The following MBNL2 variants were observed in gnomAD, a reference collection of about 807,000 sequenced individuals.
MBNL2 encodes the protein muscleblind like splicing regulator 2, also known as muscleblind-like protein 2.
A neutral mutation model predicts 41.9 loss-of-function variants in MBNL2; 17 were observed. The ratio of observed to expected loss-of-function variants is 0.41; its 90% CI spans 0.28 to 0.61. The LOEUF is 0.61. Ranked by LOEUF, MBNL2 falls within the 20% of genes least tolerant of loss-of-function variation. The pLI, the probability that MBNL2 is intolerant of heterozygous loss-of-function variation, is 0.35. For synonymous variants in MBNL2, 195 were observed against 182.9 expected (o/e 1.07, Z -0.53); for missense variants, 336 against 505.6 (o/e 0.66, Z 3.22).
intron 1 of MBNL2, among the ~76,000 whole-genome samples, chr13:97,260,005 C>T (rs2048307533): frequency 6.6e-6 from 1 of 152,152 alleles, no homozygotes; most frequent in African/African-American, 2.4e-5. Flanking sequence ...CCCTTACAGA[C>T]ATTACAGTCT....
chr13:97,159,780 G>C, the MBNL2 span, among the ~76,000 whole-genome samples: 1 of 151,594 alleles, frequency 6.6e-6, no homozygotes, highest in Non-Finnish European at 1.5e-5. Context: ...TTAGTCTGAT[G>C]GGCTTCCCTT....
At chr13:97,161,526 T>C in the MBNL2 span, among the ~76,000 whole-genome samples, 2 of 152,336 alleles carry the variant, frequency 1.3e-5, no homozygotes, top group South Asian at 4.1e-4. Context: ...AGTAACACCT[T>C]GGGCTCAGTT....
At chr13:97,349,791 A>G (rs2062265544) in intron 5 of MBNL2, among the ~76,000 whole-genome samples, 1 of 152,234 alleles carries the variant, frequency 6.6e-6, no homozygotes, top group Admixed American at 6.5e-5. Flanking sequence ...TGCTTCTCTT[A>G]CTATGGCCAC....
At chr13:97,251,834 C>CTTTTTTTTT (rs869034692) in intron 1 of MBNL2, among the ~76,000 whole-genome samples, 4 of 69,578 alleles carry the variant, frequency 5.7e-5, no homozygotes, top group African/African-American at 2.2e-4. Context: ...ATCCTCAATT[C>CTTTTTTTTT]TTTTTTTTTT....
chr13:97,369,271 G>C (rs556554032), intron 8 of MBNL2, among the ~76,000 whole-genome samples: 5 of 152,192 alleles, frequency 3.3e-5, no homozygotes, highest in Admixed American at 6.5e-5. Context: ...TCATACCCAC[G>C]TGGATTATGT....
chr13:97,389,973 G>C, intron 8 of MBNL2, among the ~76,000 whole-genome samples: 1 of 151,810 alleles, frequency 6.6e-6, no homozygotes, highest in East Asian at 1.9e-4. Context: ...TCAAATACTA[G>C]ATGCTGTGTT....
At chr13:97,259,654 T>G (rs1243222748) in intron 1 of MBNL2, among the ~76,000 whole-genome samples, 2 of 152,144 alleles carry the variant, frequency 1.3e-5, no homozygotes, top group African/African-American at 2.4e-5. Flanking sequence ...AAAATACACT[T>G]CTCCTTAAAT....
the MBNL2 span, among the ~76,000 whole-genome samples, chr13:97,215,654 T>C: frequency 0.12 from 17,864 of 152,242 alleles, 2,291 homozygotes; most frequent in African/African-American, 0.32. Flanking sequence ...TCAAATATTT[T>C]GCATTAACTT....
intron 2 of MBNL2, among the ~76,000 whole-genome samples, chr13:97,331,548 C>T (rs371635783): frequency 2.0e-5 from 3 of 152,198 alleles, no homozygotes; most frequent in African/African-American, 7.2e-5. Flanking sequence ...TTAACTATTG[C>T]TAATGAATAG....
chr13:97,199,763 G>T, the MBNL2 span, among the ~76,000 whole-genome samples: 1 of 152,168 alleles, frequency 6.6e-6, no homozygotes, highest in Non-Finnish European at 1.5e-5. Flanking sequence ...ACAAATGTGG[G>T]GACTTTGGTG....
intron 2 of MBNL2, among the ~76,000 whole-genome samples, chr13:97,292,286 C>T (rs1566398108): frequency 6.6e-6 from 1 of 151,752 alleles, no homozygotes; most frequent in African/African-American, 2.4e-5. Flanking sequence ...GCCCCATTTG[C>T]ACTGCTGGTA....
At chr13:97,145,756 A>G in the MBNL2 span, among the ~76,000 whole-genome samples, 1 of 152,274 alleles carries the variant, frequency 6.6e-6, no homozygotes, top group South Asian at 2.1e-4. Context: ...GAGCCTGCCA[A>G]GTGGTCTAGT....
the MBNL2 span, among the ~76,000 whole-genome samples, chr13:97,210,518 C>T: frequency 7.5e-6 from 1 of 133,544 alleles, no homozygotes; most frequent in Non-Finnish European, 1.6e-5. Context: ...TTGATATATA[C>T]AAATTTTATA....
chr13:97,262,811 T>C (rs1450690211), intron 1 of MBNL2, among the ~76,000 whole-genome samples: 2 of 152,070 alleles, frequency 1.3e-5, no homozygotes, highest in Non-Finnish European at 2.9e-5. Context: ...GTCCCCAGAC[T>C]GGAGTGCAGT....
intron 1 of MBNL2, among the ~76,000 whole-genome samples, chr13:97,230,036 G>A (rs916862711): frequency 2.0e-5 from 3 of 152,192 alleles, no homozygotes; most frequent in Admixed American, 6.5e-5. Flanking sequence ...AGTGGCTCAC[G>A]CCTGTAATCC....
chr13:97,237,788 T>C (rs2043556404), intron 1 of MBNL2, among the ~76,000 whole-genome samples: 1 of 152,192 alleles, frequency 6.6e-6, no homozygotes, highest in South Asian at 2.1e-4. Flanking sequence ...CCACCAAATA[T>C]TTTTAAGCAG....
the MBNL2 span, among the ~76,000 whole-genome samples, chr13:97,163,656 T>C: frequency 6.6e-6 from 1 of 152,156 alleles, no homozygotes; most frequent in African/African-American, 2.4e-5. Flanking sequence ...GCCAACTTTA[T>C]ACAAAAGCAC....
chr13:97,379,569 G>C (rs1202643395), intron 8 of MBNL2, among the ~76,000 whole-genome samples: 1 of 151,938 alleles, frequency 6.6e-6, no homozygotes, highest in East Asian at 1.9e-4. Flanking sequence ...TCAGTTGTAA[G>C]TGAAACCACA....
At chr13:97,390,993 A>C (rs2066358720) in intron 8 of MBNL2, among the ~76,000 whole-genome samples, 1 of 152,152 alleles carries the variant, frequency 6.6e-6, no homozygotes, top group South Asian at 2.1e-4. Flanking sequence ...CAATAATGTG[A>C]ATGTATAATA....
Sources: gnomAD v4.1 joint callset for allele counts (sites outside exome capture counted in the v4.1 genomes callset) on GRCh38, gnomAD v4.1.1 for gene constraint, MANE v1.5 for transcripts, NCBI Gene and HGNC (gene_info 2026-07-23, HGNC 2026-07-21) for gene names.